Variants in STRAP observed in about 807,000 individuals in gnomAD.
STRAP encodes the protein serine-threonine kinase receptor-associated protein.
In STRAP, 16 loss-of-function variants were observed where a neutral mutation model predicts 47.0. The ratio of observed to expected loss-of-function variants is 0.34; its 90% CI spans 0.23 to 0.52. The LOEUF is 0.52. Ranked by LOEUF, STRAP falls within the 20% of genes least tolerant of loss-of-function variation. The probability of loss-of-function intolerance (pLI) is 0.96; values close to 1 mark genes in which losing one functional copy is unlikely to be tolerated. For missense variants in STRAP, 293 were observed against 420.0 expected (o/e 0.70, Z 2.64); for synonymous variants, 130 against 142.7 (o/e 0.91, Z 0.63).
At chr12:15,897,713 A>ATTTTTTT (rs367620027) in intron 6 of STRAP, among the ~76,000 whole-genome samples, 169 bp from the exon 7 acceptor site, 1 of 118,706 alleles carries the variant, frequency 8.4e-6, no homozygotes, top group Non-Finnish European at 1.8e-5. Context: ...TATCCATTTG[A>ATTTTTTT]TTTTTTTTTT....
chr12:15,899,818 A>C, intron 7 of STRAP, 86 bp from the exon 8 acceptor site: 1 of 1,322,394 alleles, frequency 7.6e-7, no homozygotes, highest in Non-Finnish European at 1.1e-6. Flanking sequence ...CCATCTCCCC[A>C]GTAACACAGA....
At chr12:15,885,797 A>G (rs1013790745) in intron 2 of STRAP, among the ~76,000 whole-genome samples, 8 of 151,886 alleles carry the variant, frequency 5.3e-5, no homozygotes, top group Non-Finnish European at 4.4e-5. Context: ...TTTTTCTGTC[A>G]TGGTACCTAA....
Position 15,890,675 on chromosome 12 carries a change from CATA to C in STRAP, c.403+9_403+11del. Reference sequence around the variant, plus strand: ...CTTGAACAAACCTGAAGCAGGTAAGCATAATTTAAACATCAGCTTCTAGTTTTA... The same window carrying C: ...CTTGAACAAACCTGAAGCAGGTAAGCATTTAAACATCAGCTTCTAGTTTTA... On this transcript the variant is annotated splice_region_variant and intron_variant, in intron 4 of 9. Coordinates refer to ENST00000419869, the MANE Select transcript of STRAP (RefSeq NM_007178.4). The surrounding 1 kb of genome is among the most constrained non-coding windows in gnomAD (Gnocchi z 4.5). 1 of 1,598,674 alleles carries C rather than the reference CATA, an allele frequency of 6.3e-7. No individual in the cohort carries two copies. Among genetic ancestry groups the C allele is most frequent in the Non-Finnish European group, 8.5e-7 (1 of 1,173,250 alleles).
At chr12:15,901,468 A>G (rs558871104) in intron 9 of STRAP, among the ~76,000 whole-genome samples, 3 of 152,320 alleles carry the variant, frequency 2.0e-5, no homozygotes, top group East Asian at 1.9e-4. Context: ...AAAAAGGAGC[A>G]TAGCATATGA....
At chr12:15,886,518 A>G (rs1004670867) in intron 2 of STRAP, among the ~76,000 whole-genome samples, 3 of 152,188 alleles carry the variant, frequency 2.0e-5, no homozygotes, top group African/African-American at 7.2e-5. Flanking sequence ...GAACAGAGAG[A>G]TCTTTCTCCA....
rs1313096732 is a variant in STRAP, at chr12:15,887,358, C to T, written c.249-2570C>T. ...TAGTTTAAGGAGATGACAAGTACTT[C>T]GTGGGATGTGAAGAAAATGTTGGAG... On this transcript the variant is annotated intron_variant, in intron 2 of 9. Transcript: ENST00000419869. The surrounding 1 kb of genome is among the most constrained non-coding windows in gnomAD (Gnocchi z 5.5). Among the ~76,000 whole-genome samples, 1 of 152,092 alleles carries T rather than the reference C, an allele frequency of 6.6e-6. No homozygotes were observed. Among genetic ancestry groups the T allele is most frequent in the African/African-American group, 2.4e-5 (1 of 41,430 alleles).
In STRAP at chr12:15,882,743, C is replaced by A. The variant is rs1231048280; in HGVS notation, c.36C>A (p.Gly12=). Residue 12 remains glycine (G), a synonymous_variant, in exon 1 of 10, where the codon GGC becomes GGA. Coordinates refer to ENST00000419869, the MANE Select transcript of STRAP (RefSeq NM_007178.4). ...GACAGACGCCGCTCACCTGCTCTGG[C>A]CACACGCGACCCGTGGTTGATTTGG... ...AMRQTPLTCS[G]HTRPVVDLAF... The A allele has an allele frequency of 1.9e-6, 3 of 1,613,244 alleles. No individual in the cohort carries two copies. The East Asian group carries it at 6.7e-5, about 36-fold the overall frequency.
At chr12:15,882,934 A>C in intron 1 of STRAP, 115 bp downstream of exon 1, 2 of 1,344,314 alleles carry the variant, frequency 1.5e-6, no homozygotes, top group Non-Finnish European at 2.1e-6. Context: ...GGGCGATATT[A>C]ACATCTGAGA....
chr12:15,902,923 T>A lies in STRAP; in HGVS notation c.998T>A (p.Ile333Asn). ...TTTTTTTTTTTACTTATAGAAGAAA[T>A]TGCTTCAGAGAATTCAGATTGCATC... ...PETTEEELEE[I>N]ASENSDCIFP... Residue 333 changes from isoleucine to asparagine, a missense_variant, in exon 10 of 10, where the codon ATT becomes AAT. By Grantham distance (149) the Ile-to-Asn change is moderately radical (BLOSUM62 -3). Coordinates refer to ENST00000419869, the MANE Select transcript of STRAP (RefSeq NM_007178.4). The A allele has an allele frequency of 6.8e-7, 1 of 1,465,640 alleles. No individual in the cohort carries two copies. Among genetic ancestry groups the A allele is most frequent in the East Asian group, 2.5e-5 (1 of 39,968 alleles). The allele number at this position is 1,465,640 out of a possible 1,614,324, so 90.8% of individuals were successfully genotyped here.
chr12:15,882,787 C>T lies in STRAP; in HGVS notation c.80C>T (p.Pro27Leu). The change falls in exon 1 of 10, where the codon CCT (proline) becomes CTT (leucine). Residue 27 changes from proline to leucine, a missense_variant. Physicochemically the swap from Pro to Leu is moderately conservative, Grantham distance 98 (BLOSUM62 -3). This residue lies in a region of STRAP where 31 missense variants were observed against 39.2 expected (regional missense o/e 0.79). Coordinates refer to ENST00000419869, the MANE Select transcript of STRAP (RefSeq NM_007178.4). The stretch of plus-strand genomic sequence containing the variant: ...GATTTGGCCTTCAGTGGCATCACGC[C>T]TTATGGGTATTTCTTAATCAGCGCT... ...VVDLAFSGIT[P>L]YGYFLISACK... is the part of the protein sequence containing the mutation. 1.2e-6 allele frequency: 2 copies of T among 1,613,824 alleles called. No homozygotes were observed. The highest frequency in any genetic ancestry group is 8.5e-7 in the Non-Finnish European group (1 of 1,179,980).
intron 2 of STRAP, among the ~76,000 whole-genome samples, chr12:15,885,205 T>TTTTTTTTTTA (rs1257112484): frequency 9.7e-5 from 14 of 144,986 alleles, no homozygotes; most frequent in African/African-American, 3.7e-4. Flanking sequence ...TTTTTTTTTT[T>TTTTTTTTTTA]AAAGACAGAG....
chr12:15,886,548 A>G (rs1433853918), intron 2 of STRAP, among the ~76,000 whole-genome samples: 1 of 152,168 alleles, frequency 6.6e-6, no homozygotes, highest in African/African-American at 2.4e-5. Flanking sequence ...CCTGAAGTCC[A>G]ATATGATCTC....
intron 2 of STRAP, 132 bp from the exon 3 acceptor site, chr12:15,889,794 GGA>G: frequency 3.2e-6 from 2 of 627,004 alleles, no homozygotes; most frequent in Non-Finnish European, 5.5e-6. Context: ...TAGAGATAAA[GGA>G]GATTTATAAT....
At position 15,894,229 on chromosome 12, in the gene STRAP, C is replaced by A. The variant is rs1003510053; in HGVS notation, c.500+86C>A. 4 of 1,032,924 alleles carry A rather than the reference C, an allele frequency of 3.9e-6. No homozygotes were observed. Among genetic ancestry groups the A allele is most frequent in the Admixed American group, 3.9e-5 (2 of 50,832 alleles). The allele number at this position is 1,032,924 out of a possible 1,614,324, so 64.0% of individuals were successfully genotyped here. Reference sequence around the variant, plus strand: ...AATCTCAGCACTTTGGGAGGCGAGCCGGGTGGATCATTAGAGGTCAGGAGT... The same window carrying A: ...AATCTCAGCACTTTGGGAGGCGAGCAGGGTGGATCATTAGAGGTCAGGAGT... On this transcript the variant is annotated intron_variant, in intron 5 of 9. Coordinates refer to ENST00000419869, the MANE Select transcript of STRAP (RefSeq NM_007178.4). The surrounding 1 kb of genome is among the most constrained non-coding windows in gnomAD (Gnocchi z 4.9).
intron 2 of STRAP, among the ~76,000 whole-genome samples, chr12:15,885,478 C>T (rs1345090485): frequency 8.1e-5 from 11 of 135,986 alleles, no homozygotes; most frequent in East Asian, 4.3e-4. Context: ...TGTGAGCCAC[C>T]GTGCCTGGCC....
chr12:15,902,704 G>T lies in STRAP; in HGVS notation c.992-213G>T, dbSNP rs186070926. ...GAGTTATGGTGTAAGAGAATCTAGT[G>T]GATAAAACACATGAACTCTTTCTTC... On this transcript the variant is annotated intron_variant, in intron 9 of 9. Transcript: ENST00000419869. Among the ~76,000 whole-genome samples, 131 of 152,170 alleles carry T rather than the reference G, an allele frequency of 8.6e-4. 2 individuals carry two copies. The highest frequency in any genetic ancestry group is 2.2e-4 in the Non-Finnish European group (15 of 68,002).
intron 2 of STRAP, among the ~76,000 whole-genome samples, chr12:15,888,218 G>A (rs1947986972): frequency 6.6e-6 from 1 of 152,178 alleles, no homozygotes; most frequent in Non-Finnish European, 1.5e-5. Flanking sequence ...TAATAGCTAA[G>A]AATGTAAAAT....
chr12:15,889,522 G>A (rs915656805), intron 2 of STRAP, among the ~76,000 whole-genome samples: 1 of 151,998 alleles, frequency 6.6e-6, no homozygotes, highest in African/African-American at 2.4e-5. Flanking sequence ...TTGTGCATCT[G>A]AGTGGAGAAT....
In STRAP at chr12:15,890,918, G is replaced by A. The variant is rs1193038405; in HGVS notation, c.403+249G>A. ...CTATTAAAAATAGAAAAATTAGCCAGGCATGGTGGCAGGCGCTTGTAATCC... is the reference window on the plus strand; with the variant it reads ...CTATTAAAAATAGAAAAATTAGCCAAGCATGGTGGCAGGCGCTTGTAATCC... On this transcript the variant is annotated intron_variant, in intron 4 of 9. Coordinates refer to ENST00000419869, the MANE Select transcript of STRAP (RefSeq NM_007178.4). This position sits in a 1 kb window ranked among gnomAD's most constrained non-coding sequence, Gnocchi z 4.5. Among the ~76,000 whole-genome samples, 1 of 152,076 alleles carries A rather than the reference G, an allele frequency of 6.6e-6. No homozygotes were observed. The highest frequency in any genetic ancestry group is 1.5e-5 in the Non-Finnish European group (1 of 68,024).
Sources: allele counts gnomAD v4.1 joint callset (sites outside exome capture counted in the v4.1 genomes callset), GRCh38; gene constraint gnomAD v4.1.1; regional missense constraint gnomAD v4.1.1; non-coding constraint Gnocchi (gnomAD v3.1); transcripts MANE v1.5; gene names NCBI Gene and HGNC (gene_info 2026-07-23, HGNC 2026-07-21).